ADAM10: variants seen among roughly 807,000 people sequenced by gnomAD.
The protein encoded by ADAM10 is ADAM metallopeptidase domain 10.
A neutral mutation model predicts 90.1 loss-of-function variants in ADAM10; 17 were observed. The ratio of observed to expected loss-of-function variants is 0.19; its 90% CI spans 0.13 to 0.28. The LOEUF is 0.28. Among genes scored for constraint, ADAM10 ranks in the 10% least tolerant of loss-of-function variants. The pLI is 1.00. For missense variants in ADAM10, 610 were observed against 914.3 expected (o/e 0.67, Z 4.29); for synonymous variants, 310 against 298.6 (o/e 1.04, Z -0.40).
At chr15:58,625,486 T>TA (rs1464611124) in intron 10 of ADAM10, among the ~76,000 whole-genome samples, 4 of 151,984 alleles carry the variant, frequency 2.6e-5, no homozygotes, top group Non-Finnish European at 4.4e-5. Context: ...ACAGCTAAAA[T>TA]AAAAAACTGT....
At chr15:58,677,973 A>T (rs1437695815) in intron 4 of ADAM10, among the ~76,000 whole-genome samples, 1 of 152,146 alleles carries the variant, frequency 6.6e-6, no homozygotes, top group Non-Finnish European at 1.5e-5. Flanking sequence ...GGTAAATAAT[A>T]ATTTTGTCAG....
intron 2 of ADAM10, among the ~76,000 whole-genome samples, chr15:58,689,841 A>C (rs1373066243): frequency 6.6e-6 from 1 of 151,524 alleles, no homozygotes; most frequent in East Asian, 2.0e-4. Flanking sequence ...TACCAGGGCC[A>C]GATGGTTCCC....
At chr15:58,689,951 C>CA (rs1454579646) in intron 2 of ADAM10, among the ~76,000 whole-genome samples, 19 of 129,452 alleles carry the variant, frequency 1.5e-4, no homozygotes, top group African/African-American at 4.4e-4. Flanking sequence ...CAGACCCCCC[C>CA]CAAAAAAAAA....
At position 58,610,342 on chromosome 15, in the gene ADAM10, T is replaced by C; in HGVS notation, c.1980A>G (p.Ala660=). ...TTTCATAGAGCTCTGGACTAAAAAT[T>C]GCTTTTTTAAGCCTAGCTAGAGGAC... The part of the protein sequence containing the change: ...ADGPLARLKK[A]IFSPELYENI... The change falls in exon 14 of 16, where the codon GCA becomes GCG. Residue 660 remains alanine, a synonymous_variant. Transcript: ENST00000260408. 1 of 1,614,192 alleles carries C rather than the reference T, an allele frequency of 6.2e-7. No individual in the cohort carries two copies. Among genetic ancestry groups the C allele is most frequent in the East Asian group, 2.2e-5 (1 of 44,886 alleles).
chr15:58,664,957 G>A, intron 5 of ADAM10, 140 bp downstream of exon 5: 1 of 704,512 alleles, frequency 1.4e-6, no homozygotes. Flanking sequence ...CACGTTACCT[G>A]GCCTCTTTGA....
rs532271565 is a variant in ADAM10, at chr15:58,713,168, A to G, written c.206+4409T>C. On this transcript the variant is annotated intron_variant, in intron 2 of 15. Coordinates refer to ENST00000260408, the MANE Select transcript of ADAM10 (RefSeq NM_001110.4). ...CAAGCTGGAGCGCAGTGGCACAATCATGGCTCACGGCAGCCTCAACCTTCC... is the reference window on the plus strand; with the variant it reads ...CAAGCTGGAGCGCAGTGGCACAATCGTGGCTCACGGCAGCCTCAACCTTCC... 5.3e-4 allele frequency among the ~76,000 whole-genome samples: 80 copies of G among 152,220 alleles called. 2 individuals are homozygous for G. The Middle Eastern group carries it at 0.014, about 26-fold the overall frequency.
At chr15:58,711,757 A>G (rs911454515) in intron 2 of ADAM10, among the ~76,000 whole-genome samples, 31 of 152,348 alleles carry the variant, frequency 2.0e-4, no homozygotes, top group African/African-American at 7.0e-4. Context: ...TACAACCACA[A>G]AAATAATTCA....
chr15:58,667,469 T>C (rs1212589732), intron 4 of ADAM10, among the ~76,000 whole-genome samples: 1 of 152,114 alleles, frequency 6.6e-6, no homozygotes, highest in Non-Finnish European at 1.5e-5. Context: ...GAAACTTAAC[T>C]GCAAACATCC....
chr15:58,682,095 T>C (rs1897457545), intron 3 of ADAM10, 101 bp downstream of exon 3: 1 of 1,538,476 alleles, frequency 6.5e-7, no homozygotes, highest in Non-Finnish European at 8.8e-7. Context: ...CTCCTCTGGA[T>C]TTATAACCTT....
chr15:58,648,920 G>C lies in ADAM10; in HGVS notation c.586-2716C>G, dbSNP rs186437449. On this transcript the variant is annotated intron_variant, in intron 5 of 15. Coordinates refer to ENST00000260408, the MANE Select transcript of ADAM10 (RefSeq NM_001110.4). ...TTAGAGTCATCAAAGTTTACATCTT[G>C]TGCTGTTTTACTTTCCATCTTTTCT... is the stretch of plus-strand genomic sequence containing the variant. 1.5e-3 allele frequency among the ~76,000 whole-genome samples: 222 copies of C among 152,028 alleles called. 1 individual carries two copies. Among genetic ancestry groups the C allele is most frequent in the African/African-American group, 4.9e-3 (205 of 41,512 alleles).
chr15:58,694,255 G>T (rs867664433), intron 2 of ADAM10, among the ~76,000 whole-genome samples: 11 of 152,146 alleles, frequency 7.2e-5, no homozygotes, highest in South Asian at 2.1e-4. Flanking sequence ...TTCAAGACCA[G>T]CCTGGCCAGC....
intron 1 of ADAM10, among the ~76,000 whole-genome samples, chr15:58,727,225 T>TCGTTGCCCAGGC (rs1555422461): frequency 1.5e-5 from 2 of 134,350 alleles, no homozygotes; most frequent in African/African-American, 5.5e-5. Flanking sequence ...AGCGTTTCGC[T>TCGTTGCCCAGGC]CGTTGCCCAG....
intron 8 of ADAM10, among the ~76,000 whole-genome samples, chr15:58,639,005 G>T (rs1327171278): frequency 6.6e-6 from 1 of 152,124 alleles, no homozygotes; most frequent in African/African-American, 2.4e-5. Context: ...GATTTAGGAA[G>T]AATTTTACCA....
At chr15:58,654,700 C>T (rs1184817535) in intron 5 of ADAM10, among the ~76,000 whole-genome samples, 2 of 152,160 alleles carry the variant, frequency 1.3e-5, no homozygotes, top group East Asian at 1.9e-4. Context: ...TTTCCATTAT[C>T]GTTTGTTTCA....
chr15:58,728,952 T>C (rs1295680500), intron 1 of ADAM10, among the ~76,000 whole-genome samples: 1 of 152,120 alleles, frequency 6.6e-6, no homozygotes, highest in Non-Finnish European at 1.5e-5. Context: ...TAAAAGAACA[T>C]TGGGGGAAAC....
intron 5 of ADAM10, among the ~76,000 whole-genome samples, chr15:58,659,215 G>A (rs1297198003): frequency 6.6e-6 from 1 of 151,320 alleles, no homozygotes; most frequent in Non-Finnish European, 1.5e-5. Context: ...GGAGGTTGCA[G>A]TGGGCCGAGA....
At chr15:58,703,013 G>C (rs1337984096) in intron 2 of ADAM10, among the ~76,000 whole-genome samples, 2 of 152,118 alleles carry the variant, frequency 1.3e-5, no homozygotes, top group African/African-American at 4.8e-5. Flanking sequence ...CTGTTTGACA[G>C]TCCACATCTT....
At chr15:58,613,880 C>G (rs1273030123) in intron 11 of ADAM10, among the ~76,000 whole-genome samples, 4 of 152,166 alleles carry the variant, frequency 2.6e-5, no homozygotes, top group Non-Finnish European at 5.9e-5. Flanking sequence ...CTTTGGGAGG[C>G]TGAGGTGGGA....
In ADAM10 at chr15:58,592,418, T is replaced by C. The variant is rs1311844246; in HGVS notation, c.*5129A>G. The C allele has an allele frequency of 1.3e-5, 2 of 152,222 alleles. No homozygotes were observed. The highest frequency in any genetic ancestry group is 4.8e-5 in the African/African-American group (2 of 41,448). The allele number at this position is 152,222 out of a possible 1,614,324, so 9.4% of individuals were successfully genotyped here. On this transcript the variant is annotated 3_prime_UTR_variant, in exon 16 of 16. Coordinates refer to ENST00000260408, the MANE Select transcript of ADAM10 (RefSeq NM_001110.4). ...TATGAGTTTCAATCTCTTGCAGATA[T>C]TATCCTTGCTGATGCTAAAGTTATC...
Sources: gnomAD v4.1 joint callset for allele counts (sites outside exome capture counted in the v4.1 genomes callset) on GRCh38, gnomAD v4.1.1 for gene constraint, MANE v1.5 for transcripts, NCBI Gene and HGNC (gene_info 2026-07-23, HGNC 2026-07-21) for gene names.